The following UNC80 variants were observed in gnomAD, a reference collection of about 807,000 sequenced individuals.
UNC80 encodes the protein protein unc-80 homolog.
In UNC80, 164 loss-of-function variants were observed where a neutral mutation model predicts 384.6. The ratio of observed to expected loss-of-function variants is 0.43; its 90% confidence interval spans 0.38 to 0.49. The LOEUF is 0.49. UNC80 is among the 20% of genes least tolerant of loss of function. The pLI, the probability that UNC80 is intolerant of heterozygous loss-of-function variation, is 0.00. For missense variants in UNC80, 3,330 were observed against 4,143.0 expected, an observed-to-expected ratio of 0.80 and a Z score of 5.39; for synonymous variants, 1,486 against 1,527.8, an observed-to-expected ratio of 0.97 and a Z score of 0.64.
At chr2:209,779,752 T>C (rs1049647027) in intron 4 of UNC80, among the ~76,000 whole-genome samples, 4 of 152,298 alleles carry the variant, frequency 2.6e-5, no homozygotes, top group African/African-American at 9.6e-5. Context: ...GCCTTTAAAA[T>C]GGAGAGGACA....
chr2:209,938,064 A>G, intron 42 of UNC80, among the ~76,000 whole-genome samples: 1 of 152,198 alleles, frequency 6.6e-6, no homozygotes, highest in East Asian at 1.9e-4. Context: ...CTAAAGTTCA[A>G]AGATTTGGAC....
chr2:209,777,934 C>G (rs1409851437), intron 4 of UNC80, among the ~76,000 whole-genome samples: 2 of 152,164 alleles, frequency 1.3e-5, no homozygotes, highest in African/African-American at 4.8e-5. Flanking sequence ...CCTGAATATG[C>G]CCTTGCTGAT....
At chr2:209,800,069 T>C (rs995340369) in intron 7 of UNC80, among the ~76,000 whole-genome samples, 1 of 152,228 alleles carries the variant, frequency 6.6e-6, no homozygotes, top group Non-Finnish European at 1.5e-5. Context: ...ATCAGGATGA[T>C]GCTGGCTTCA....
intron 47 of UNC80, among the ~76,000 whole-genome samples, chr2:209,949,169 T>G (rs1000404716): frequency 6.6e-6 from 1 of 152,234 alleles, no homozygotes; most frequent in Non-Finnish European, 1.5e-5. Context: ...TAAAAAGGTC[T>G]TATCTAATGA....
intron 14 of UNC80, among the ~76,000 whole-genome samples, chr2:209,828,226 T>C (rs1486086408): frequency 6.6e-6 from 1 of 152,162 alleles, no homozygotes; most frequent in Non-Finnish European, 1.5e-5. Flanking sequence ...AGAATGACAA[T>C]TAAATACTTC....
chr2:209,921,795 A>T, intron 34 of UNC80, 109 bp downstream of exon 34: 1 of 1,241,376 alleles, frequency 8.1e-7, no homozygotes. Flanking sequence ...GCCCCCTTCC[A>T]TCTCTCTCTC....
chr2:209,904,844 A>G lies in UNC80; in HGVS notation c.4661A>G (p.His1554Arg). 6.4e-7 allele frequency: 1 copy of G among 1,551,698 alleles called. No individual in the cohort carries two copies. The highest frequency in any genetic ancestry group is 1.2e-5 in the South Asian group (1 of 84,060). Residue 1554 changes from histidine (H) to arginine (R), a missense_variant, in exon 29 of 65, where the codon CAC becomes CGC. Physicochemically the swap from His to Arg is conservative, Grantham distance 29. Around this residue, in one of 8 missense-constraint regions of UNC80, gnomAD observed 801 missense variants for 950.8 expected, o/e 0.84. Transcript: ENST00000673920. ...DYCHPHCYLH[H>R]SRSCARLVRA... ...TGCCATCCCCACTGCTACCTGCACC[A>G]CAGCCGCTCCTGTGCCCGACTGGTC...
chr2:209,922,120 T>C, intron 34 of UNC80, 132 bp from the exon 35 acceptor site: 3 of 1,121,558 alleles, frequency 2.7e-6, no homozygotes, highest in Non-Finnish European at 3.6e-6. Flanking sequence ...ATTTTTCCTT[T>C]TCTAAGTACA....
At chr2:209,932,321 A>G (rs1005427861) in intron 38 of UNC80, among the ~76,000 whole-genome samples, 1 of 152,060 alleles carries the variant, frequency 6.6e-6, no homozygotes, top group Non-Finnish European at 1.5e-5. Context: ...CCAAGCATCC[A>G]CTACTTCTGG....
At chr2:209,796,827 T>A (rs2078191691) in intron 7 of UNC80, among the ~76,000 whole-genome samples, 2 of 152,180 alleles carry the variant, frequency 1.3e-5, no homozygotes, top group Admixed American at 6.5e-5. Context: ...CAGTTTCAGG[T>A]ATTTCTTTAT....
Position 209,959,134 on chromosome 2 carries a change from AGC to A in UNC80, c.7567_7568del (p.Ala2523GlnfsTer25). 1 of 1,552,150 alleles carries A rather than the reference AGC, an allele frequency of 6.4e-7. No individual in the cohort carries two copies. The highest frequency in any genetic ancestry group is 8.7e-7 in the Non-Finnish European group (1 of 1,147,026). On this transcript the variant is annotated frameshift_variant, in exon 50 of 65. Coordinates refer to ENST00000673920, the MANE Select transcript of UNC80 (RefSeq NM_001371986.1). LOFTEE classifies it high-confidence loss of function. Reference sequence around the variant, plus strand: ...TGACTCCCAGGTACCAGGAACAAGGAGCCAAACTGCACTTTATCAGGTACAGA... The same window carrying A: ...TGACTCCCAGGTACCAGGAACAAGGACAAACTGCACTTTATCAGGTACAGA... ...GVNTRYQEQG[A>X]KLHFIRENLH...
intron 52 of UNC80, chr2:209,968,466 A>G (rs1348268175): frequency 6.6e-6 from 1 of 152,188 alleles, no homozygotes; most frequent in African/African-American, 2.4e-5. Flanking sequence ...GTATTAGTCC[A>G]TAATCTCCTT....
intron 29 of UNC80, among the ~76,000 whole-genome samples, chr2:209,905,423 G>A (rs2088068169): frequency 6.6e-6 from 1 of 152,154 alleles, no homozygotes; most frequent in Non-Finnish European, 1.5e-5. Context: ...GTCAGAGCCA[G>A]AGAAGGAAAT....
intron 28 of UNC80, among the ~76,000 whole-genome samples, chr2:209,896,767 GTCATGGTGTTGC>G (rs2086836702): frequency 6.6e-6 from 1 of 152,086 alleles, no homozygotes; most frequent in South Asian, 2.1e-4. Flanking sequence ...TGAGAGCACG[GTCATGGTGTTGC>G]TCTTGGGTGT....
chr2:209,866,529 C>CACAA (rs1553556971), intron 22 of UNC80, among the ~76,000 whole-genome samples: 2 of 126,614 alleles, frequency 1.6e-5, no homozygotes, highest in South Asian at 2.5e-4. Context: ...CACACACACA[C>CACAA]ACACAGAGAG....
chr2:209,879,081 C>A (rs932730633), intron 24 of UNC80, among the ~76,000 whole-genome samples: 12 of 151,688 alleles, frequency 7.9e-5, no homozygotes, highest in African/African-American at 2.9e-4. Flanking sequence ...CCTTCTAAGA[C>A]CTTATCAAAT....
Position 209,995,418 on chromosome 2 carries a change from C to G in UNC80, c.9798C>G (p.Leu3266=), listed in dbSNP as rs1312428739. The G allele has an allele frequency of 1.3e-6, 2 of 1,551,850 alleles. No individual in the cohort carries two copies. Among genetic ancestry groups the G allele is most frequent in the Non-Finnish European group, 1.7e-6 (2 of 1,147,062 alleles). ...CACACAGTCCACTCTCTGCCCAACT[C>G]TCTGACCCTGATGACTTCACAGGCC... The part of the protein sequence containing the change: ...ATAHSPLSAQ[L]SDPDDFTGLE... The change falls in exon 65 of 65, where the codon CTC becomes CTG. Residue 3266 remains leucine, a synonymous_variant. Coordinates refer to ENST00000673920, the MANE Select transcript of UNC80 (RefSeq NM_001371986.1).
rs2091764376 is a variant in UNC80 at position 209,943,627 on chromosome 2, G to A, written c.7050+113G>A. On this transcript the variant is annotated intron_variant, in intron 45 of 64. Coordinates refer to ENST00000673920, the MANE Select transcript of UNC80 (RefSeq NM_001371986.1). ...GTTGGCTACCATCACTTGTGTTTTG[G>A]CAGAGATGCAAAGGCAGGCAGAGGA... is the stretch of plus-strand genomic sequence containing the variant. 6.2e-6 allele frequency: 8 copies of A among 1,294,382 alleles called. No individual in the cohort carries two copies. The South Asian group carries it at 1.0e-4, about 16-fold the overall frequency. 80.2% of individuals were successfully genotyped at this position (1,294,382 alleles called of 1,614,324 possible). A position where few individuals can be genotyped will look rare whatever the true frequency, so the allele number is the denominator to read the frequency against.
intron 5 of UNC80, 91 bp downstream of exon 5, chr2:209,786,280 C>A: frequency 7.0e-7 from 1 of 1,432,414 alleles, no homozygotes; most frequent in Non-Finnish European, 9.3e-7. Context: ...CCTAAGAAGT[C>A]AAAAAGAAGC....
Sources: allele counts gnomAD v4.1 joint callset (sites outside exome capture counted in the v4.1 genomes callset), GRCh38; gene constraint gnomAD v4.1.1; regional missense constraint gnomAD v4.1.1; transcripts MANE v1.5; gene names NCBI Gene and HGNC (gene_info 2026-07-23, HGNC 2026-07-21).